Variants in SUPT3H observed in about 807,000 individuals in gnomAD.
SUPT3H encodes SPT3 homolog, SAGA and STAGA complex component.
In SUPT3H, 44 loss-of-function variants were observed where a neutral mutation model predicts 44.3. The ratio of observed to expected loss-of-function variants is 0.99; its 90% CI spans 0.78 to 1.28. The LOEUF (loss-of-function observed/expected upper bound fraction) is 1.28, where lower values mean the gene tolerates loss of function less well. Among genes scored for constraint, SUPT3H ranks in the 50% most tolerant of loss-of-function variants. The pLI, the probability that SUPT3H is intolerant of heterozygous loss-of-function variation, is 0.00. For synonymous variants in SUPT3H, 124 were observed against 125.6 expected (o/e 0.99, Z 0.09); for missense variants, 380 against 387.1 (o/e 0.98, Z 0.15).
At chr6:44,883,093 A>T (rs1270607864) in intron 10 of SUPT3H, among the ~76,000 whole-genome samples, 1 of 152,170 alleles carries the variant, frequency 6.6e-6, no homozygotes, top group East Asian at 1.9e-4. Context: ...AGGAAGTCAA[A>T]TTGTCTCTGT....
At chr6:45,338,394 T>A (rs1789049501) in intron 2 of SUPT3H, among the ~76,000 whole-genome samples, 1 of 151,860 alleles carries the variant, frequency 6.6e-6, no homozygotes, top group Non-Finnish European at 1.5e-5. Flanking sequence ...AAATCAGTAA[T>A]AAAAATACAA....
chr6:44,899,455 AG>A (rs1456625276), intron 10 of SUPT3H, among the ~76,000 whole-genome samples: 12 of 152,112 alleles, frequency 7.9e-5, no homozygotes, highest in Non-Finnish European at 1.0e-4. Context: ...TGGGAGGTGG[AG>A]GTGGGCAGAT....
chr6:44,928,883 A>AG (rs1770010000), intron 10 of SUPT3H, among the ~76,000 whole-genome samples: 1 of 63,394 alleles, frequency 1.6e-5, no homozygotes, highest in Non-Finnish European at 3.5e-5. Context: ...ACTCCGTCTC[A>AG]AAAAAAAAAA....
intron 3 of SUPT3H, among the ~76,000 whole-genome samples, chr6:45,084,770 C>G (rs1240629566): frequency 1.3e-5 from 2 of 152,090 alleles, no homozygotes; most frequent in African/African-American, 4.8e-5. Context: ...ACCACGAAAT[C>G]CTATGCAGCC....
chr6:44,833,110 A>AGTCT (rs1203675758), intron 10 of SUPT3H, among the ~76,000 whole-genome samples: 1 of 152,160 alleles, frequency 6.6e-6, no homozygotes, highest in African/African-American at 2.4e-5. Context: ...TATAAACACC[A>AGTCT]GTCTTTCTTC....
At chr6:44,979,732 T>C (rs1032341788) in intron 6 of SUPT3H, among the ~76,000 whole-genome samples, 3 of 152,198 alleles carry the variant, frequency 2.0e-5, no homozygotes, top group African/African-American at 7.2e-5. Flanking sequence ...GTTTTACATC[T>C]TATGAACTTA....
chr6:45,083,231 G>A (rs1344305873), intron 3 of SUPT3H, among the ~76,000 whole-genome samples: 2 of 151,272 alleles, frequency 1.3e-5, no homozygotes, highest in Non-Finnish European at 2.9e-5. Flanking sequence ...TCACTCTGTA[G>A]CCCAGGCCGG....
At chr6:44,874,932 T>A (rs1386204600) in intron 10 of SUPT3H, among the ~76,000 whole-genome samples, 3 of 137,118 alleles carry the variant, frequency 2.2e-5, no homozygotes, top group Non-Finnish European at 4.7e-5. Context: ...TACCTAGGAA[T>A]CCAACTTACA....
chr6:45,135,636 A>AT (rs1299419140), intron 2 of SUPT3H, among the ~76,000 whole-genome samples: 5 of 152,074 alleles, frequency 3.3e-5, no homozygotes, highest in African/African-American at 1.2e-4. Context: ...TACTAAAACC[A>AT]TAGCAGTGCC....
intron 2 of SUPT3H, among the ~76,000 whole-genome samples, chr6:45,176,060 TG>T (rs1811750284): frequency 6.6e-6 from 1 of 151,306 alleles, no homozygotes; most frequent in Non-Finnish European, 1.5e-5. Context: ...AACTATATCT[TG>T]GGGGGAGGAG....
At chr6:45,151,011 G>A (rs1030243711) in intron 2 of SUPT3H, among the ~76,000 whole-genome samples, 1 of 151,984 alleles carries the variant, frequency 6.6e-6, no homozygotes, top group Non-Finnish European at 1.5e-5. Context: ...GTGAGCCACC[G>A]CACCCAGCCA....
chr6:44,843,008 G>T (rs1771251308), intron 10 of SUPT3H, among the ~76,000 whole-genome samples: 3 of 152,048 alleles, frequency 2.0e-5, no homozygotes, highest in Admixed American at 2.0e-4. Flanking sequence ...TCCATCCACT[G>T]AAGGGAGACT....
chr6:45,105,224 A>G (rs1799105747), intron 3 of SUPT3H, among the ~76,000 whole-genome samples: 1 of 152,082 alleles, frequency 6.6e-6, no homozygotes, highest in African/African-American at 2.4e-5. Context: ...ATAAAATTAG[A>G]TCCATATCTC....
At chr6:45,146,926 T>C (rs1361588332) in intron 2 of SUPT3H, among the ~76,000 whole-genome samples, 1 of 152,122 alleles carries the variant, frequency 6.6e-6, no homozygotes, top group Non-Finnish European at 1.5e-5. Context: ...AAAAAGTCCT[T>C]GCAACTTAAT....
intron 10 of SUPT3H, among the ~76,000 whole-genome samples, chr6:44,914,943 A>C (rs1425617195): frequency 1.3e-5 from 2 of 152,218 alleles, no homozygotes; most frequent in Non-Finnish European, 2.9e-5. Context: ...AGGAGAAAAC[A>C]GTTCAAACAA....
chr6:45,083,927 T>G (rs918306079), intron 3 of SUPT3H, among the ~76,000 whole-genome samples: 28 of 152,158 alleles, frequency 1.8e-4, no homozygotes, highest in Non-Finnish European at 3.8e-4. Flanking sequence ...AGCTAGCCAG[T>G]TATCCCAGCA....
chr6:44,921,185 C>T (rs930983889), intron 10 of SUPT3H, among the ~76,000 whole-genome samples: 3 of 152,160 alleles, frequency 2.0e-5, no homozygotes, highest in Admixed American at 2.0e-4. Context: ...GGTATCAAAG[C>T]TATAAGGATC....
At chr6:45,251,397 A>ACG (rs1433612793) in intron 2 of SUPT3H, among the ~76,000 whole-genome samples, 1 of 30,080 alleles carries the variant, frequency 3.3e-5, no homozygotes, top group Non-Finnish European at 5.9e-5. Context: ...GAGAAGCTGC[A>ACG]CACACACACA....
chr6:44,968,801 T>C (rs1280751471), intron 6 of SUPT3H, among the ~76,000 whole-genome samples: 1 of 152,184 alleles, frequency 6.6e-6, no homozygotes, highest in Non-Finnish European at 1.5e-5. Context: ...CATAAACAAA[T>C]GGCTCTAAAC....
Sources: gnomAD v4.1 joint callset for allele counts (sites outside exome capture counted in the v4.1 genomes callset) on GRCh38, gnomAD v4.1.1 for gene constraint, MANE v1.5 for transcripts, NCBI Gene and HGNC (gene_info 2026-07-23, HGNC 2026-07-21) for gene names.